Variants in MPPED2 observed in about 807,000 individuals in gnomAD.
MPPED2 encodes the protein metallophosphoesterase domain containing 2.
Under a neutral mutation model 33.0 loss-of-function variants are expected in MPPED2, and 5 were observed. That is an observed-to-expected ratio of 0.15 (90% CI 0.08 to 0.32). The LOEUF is 0.32. Among genes scored for constraint, MPPED2 ranks in the 10% least tolerant of loss-of-function variants. The pLI is 1.00. For missense variants in MPPED2, 275 were observed against 372.1 expected, an observed-to-expected ratio of 0.74 and a Z score of 2.15; for synonymous variants, 136 against 141.9, an observed-to-expected ratio of 0.96 and a Z score of 0.29.
chr11:30,557,646 TG>T (rs1294348334), intron 2 of MPPED2, among the ~76,000 whole-genome samples: 1 of 152,230 alleles, frequency 6.6e-6, no homozygotes, highest in East Asian at 1.9e-4. Flanking sequence ...CCAGCTACCT[TG>T]GTGCTGTTAA....
intron 2 of MPPED2, among the ~76,000 whole-genome samples, chr11:30,573,288 C>A (rs1209035687): frequency 6.6e-6 from 1 of 152,094 alleles, no homozygotes; most frequent in East Asian, 1.9e-4. Flanking sequence ...GTAAACAAAC[C>A]TGCCCTGCCA....
intron 4 of MPPED2, among the ~76,000 whole-genome samples, chr11:30,479,771 C>G (rs1375530601): frequency 2.0e-5 from 3 of 152,026 alleles, no homozygotes; most frequent in Non-Finnish European, 4.4e-5. Context: ...TACACTGAAA[C>G]AGCCATAAGA....
exon 7 of MPPED2, chr11:30,388,771 G>T: frequency 7.7e-7 from 1 of 1,293,668 alleles, no homozygotes; most frequent in African/African-American, 1.5e-5. Flanking sequence ...CCAAGGAGAG[G>T]CATCTTCCTT....
At chr11:30,427,054 A>C (rs1423921341) in intron 4 of MPPED2, among the ~76,000 whole-genome samples, 1 of 152,212 alleles carries the variant, frequency 6.6e-6, no homozygotes, top group African/African-American at 2.4e-5. Flanking sequence ...AGTACTCAGG[A>C]AACTCACAGA....
At chr11:30,496,803 C>T (rs551419481) in intron 3 of MPPED2, among the ~76,000 whole-genome samples, 17 of 152,274 alleles carry the variant, frequency 1.1e-4, no homozygotes, top group African/African-American at 2.9e-4. Flanking sequence ...GTGAAGTCCA[C>T]ACAGTCTCAG....
chr11:30,455,609 A>G (rs576053943), intron 4 of MPPED2, among the ~76,000 whole-genome samples: 26 of 152,312 alleles, frequency 1.7e-4, no homozygotes, highest in African/African-American at 6.0e-4. Flanking sequence ...TTAATGCCAA[A>G]AGGTGGCTTC....
At chr11:30,585,360 A>G (rs1168515475) in intron 1 of MPPED2, among the ~76,000 whole-genome samples, 1 of 151,774 alleles carries the variant, frequency 6.6e-6, no homozygotes, top group African/African-American at 2.4e-5. Context: ...GGTGAGAAAG[A>G]GCCCCGAGCG....
chr11:30,558,516 A>C (rs1956091164), intron 2 of MPPED2, among the ~76,000 whole-genome samples: 3 of 151,692 alleles, frequency 2.0e-5, no homozygotes, highest in Admixed American at 2.0e-4. Context: ...GCCAGACTCA[A>C]GCAATCCTCC....
intron 1 of MPPED2, 130 bp from the exon 2 acceptor site, chr11:30,580,624 T>C: frequency 1.1e-6 from 1 of 872,162 alleles, no homozygotes. Flanking sequence ...GGCTCATGGA[T>C]ACAACTGTTC....
intron 3 of MPPED2, among the ~76,000 whole-genome samples, chr11:30,500,454 A>G (rs1952504069): frequency 6.6e-6 from 1 of 152,178 alleles, no homozygotes; most frequent in Admixed American, 6.5e-5. Context: ...TTCGATTTTA[A>G]AACTATTACA....
chr11:30,415,507 G>A (rs930312694), intron 5 of MPPED2, among the ~76,000 whole-genome samples: 3 of 152,176 alleles, frequency 2.0e-5, no homozygotes, highest in Non-Finnish European at 4.4e-5. Context: ...CTCACCAGCA[G>A]GAAGAAATTC....
intron 2 of MPPED2, among the ~76,000 whole-genome samples, chr11:30,541,322 G>A (rs1019699143): frequency 1.8e-4 from 27 of 151,888 alleles, no homozygotes; most frequent in African/African-American, 4.6e-4. Flanking sequence ...TTCCTCTTCC[G>A]GCCATATTTA....
chr11:30,568,046 G>C (rs1956523444), intron 2 of MPPED2, among the ~76,000 whole-genome samples: 1 of 152,156 alleles, frequency 6.6e-6, no homozygotes, highest in Non-Finnish European at 1.5e-5. Flanking sequence ...AGAAGCTCAT[G>C]TTAATGTTTT....
intron 2 of MPPED2, among the ~76,000 whole-genome samples, chr11:30,569,733 T>A (rs1262998173): frequency 6.6e-6 from 1 of 152,150 alleles, no homozygotes; most frequent in East Asian, 1.9e-4. Flanking sequence ...CAAAAATCAT[T>A]CCTTCTCAGA....
chr11:30,504,631 C>T (rs555593369), intron 3 of MPPED2: 31 of 495,658 alleles, frequency 6.3e-5, no homozygotes, highest in Non-Finnish European at 8.6e-5. Context: ...TACAAAACCA[C>T]CAGAAACATT....
At chr11:30,488,855 G>T (rs993054413) in intron 4 of MPPED2, among the ~76,000 whole-genome samples, 1 of 136,034 alleles carries the variant, frequency 7.4e-6, no homozygotes, top group South Asian at 2.3e-4. Flanking sequence ...GTGCATATTT[G>T]TTTAACACAC....
At chr11:30,579,612 A>C (rs2134905911) in intron 2 of MPPED2, among the ~76,000 whole-genome samples, 1 of 152,226 alleles carries the variant, frequency 6.6e-6, no homozygotes, top group East Asian at 1.9e-4. Context: ...ACATGACTTA[A>C]ATAGTATTAG....
intron 4 of MPPED2, 76 bp downstream of exon 4, chr11:30,495,220 G>A (rs924909008): frequency 1.2e-5 from 12 of 968,442 alleles, no homozygotes; most frequent in Non-Finnish European, 2.0e-5. Flanking sequence ...TTCATTTAAA[G>A]CATCTAAATC....
intron 2 of MPPED2, among the ~76,000 whole-genome samples, chr11:30,560,405 ACT>A (rs1298343163): frequency 6.6e-6 from 1 of 151,914 alleles, no homozygotes; most frequent in African/African-American, 2.4e-5. Context: ...ACTGGCATTT[ACT>A]CTTAGTAAGC....
Sources: allele counts gnomAD v4.1 joint callset (sites outside exome capture counted in the v4.1 genomes callset), GRCh38; gene constraint gnomAD v4.1.1; transcripts MANE v1.5; gene names NCBI Gene and HGNC (gene_info 2026-07-23, HGNC 2026-07-21).